ARHGAP20: variants seen among roughly 807,000 people sequenced by gnomAD.
ARHGAP20 encodes rho GTPase-activating protein 20.
Under a neutral mutation model 73.7 loss-of-function variants are expected in ARHGAP20, and 34 were observed. The observed-to-expected ratio is 0.46, with a 90% CI of 0.35 to 0.61. The LOEUF is 0.61. Ranked by LOEUF, ARHGAP20 falls within the 20% of genes least tolerant of loss-of-function variation. ARHGAP20 has a pLI of 0.00. For synonymous variants in ARHGAP20, 523 were observed against 518.2 expected, an observed-to-expected ratio of 1.01 and a Z score of -0.13; for missense variants, 1,314 against 1,420.9, an observed-to-expected ratio of 0.92 and a Z score of 1.21.
chr11:110,584,021 T>G (rs1262972207), intron 12 of ARHGAP20, among the ~76,000 whole-genome samples: 2 of 152,174 alleles, frequency 1.3e-5, no homozygotes, highest in African/African-American at 4.8e-5. Context: ...GCCTGAAATA[T>G]TTCCCTGAAA....
intron 7 of ARHGAP20, among the ~76,000 whole-genome samples, chr11:110,610,478 T>C (rs1409470378): frequency 6.6e-6 from 1 of 152,150 alleles, no homozygotes; most frequent in Non-Finnish European, 1.5e-5. Flanking sequence ...TTACAGAGAA[T>C]CTCACTCAAG....
chr11:110,710,230 G>T (rs1232067344), intron 1 of ARHGAP20, among the ~76,000 whole-genome samples: 1 of 152,076 alleles, frequency 6.6e-6, no homozygotes, highest in Non-Finnish European at 1.5e-5. Context: ...AACGATGTTG[G>T]AAAGGTAGGT....
rs2134774216 is a variant in ARHGAP20 at position 110,580,206 on chromosome 11, C to T, written c.2740G>A (p.Ala914Thr). The change falls in exon 15 of 15, where the codon GCC becomes ACC. Residue 914 changes from alanine to threonine, a missense_variant. Physicochemically the swap from Ala to Thr is moderately conservative, Grantham distance 58 (BLOSUM62 0). This residue lies in a region of ARHGAP20 where 641 missense variants were observed against 636.9 expected (regional missense o/e 1.01). Coordinates refer to ENST00000683387, the MANE Select transcript of ARHGAP20 (RefSeq NM_001384657.1). ...VMGIEVGKSS[A>T]TNQNTEKVLP... is the part of the protein sequence containing the mutation. Reference sequence around the variant, plus strand: ...ACCTTCTCAGTGTTTTGGTTTGTGGCACTACTCTTGCCCACCTCAATCCCC... The same window carrying T: ...ACCTTCTCAGTGTTTTGGTTTGTGGTACTACTCTTGCCCACCTCAATCCCC... The T allele has an allele frequency of 6.2e-7, 1 of 1,614,176 alleles. No homozygotes were observed.
In ARHGAP20 at chr11:110,614,643, T is replaced by C. The variant is rs771104827; in HGVS notation, c.548A>G (p.Tyr183Cys). ...KDKWLSLLQRYINLEKEKDYP... is the reference protein window; with the variant it reads ...KDKWLSLLQRCINLEKEKDYP... ...GTCCTTTTCTTTCTCTAGATTGATG[T>C]ATCTAATCAAATGCAACAGCAACCC... The change falls in exon 6 of 15, where the codon TAC becomes TGC. Residue 183 changes from tyrosine to cysteine, a missense_variant and splice_region_variant. Physicochemically the swap from Tyr to Cys is radical, Grantham distance 194. Around this residue, in one of 3 missense-constraint regions of ARHGAP20, gnomAD observed 443 missense variants for 466.4 expected, o/e 0.95. Coordinates refer to ENST00000683387, the MANE Select transcript of ARHGAP20 (RefSeq NM_001384657.1). 26 of 1,602,652 alleles carry C rather than the reference T, an allele frequency of 1.6e-5. No individual in the cohort carries two copies. The highest frequency in any genetic ancestry group is 2.0e-5 in the Non-Finnish European group (24 of 1,175,152).
intron 4 of ARHGAP20, among the ~76,000 whole-genome samples, chr11:110,623,812 C>T (rs1343815491): frequency 1.3e-5 from 2 of 152,068 alleles, no homozygotes; most frequent in African/African-American, 4.8e-5. Context: ...GATGGGACTA[C>T]TCTATTCCCC....
At chr11:110,636,811 T>C (rs1381583213) in intron 2 of ARHGAP20, among the ~76,000 whole-genome samples, 2 of 152,068 alleles carry the variant, frequency 1.3e-5, no homozygotes, top group Non-Finnish European at 2.9e-5. Flanking sequence ...CTCAATTTTA[T>C]GACTCTGAAG....
At chr11:110,674,994 C>T (rs759001936) in intron 2 of ARHGAP20, among the ~76,000 whole-genome samples, 7 of 152,156 alleles carry the variant, frequency 4.6e-5, no homozygotes, top group Non-Finnish European at 8.8e-5. Flanking sequence ...CAGGTATACA[C>T]GTGCTATGGT....
intron 9 of ARHGAP20, among the ~76,000 whole-genome samples, chr11:110,605,645 A>T (rs1174799987): frequency 6.6e-6 from 1 of 152,242 alleles, no homozygotes; most frequent in African/African-American, 2.4e-5. Context: ...CTAATTTTTC[A>T]TTAATGCTAT....
intron 9 of ARHGAP20, among the ~76,000 whole-genome samples, chr11:110,596,969 G>T (rs1242965361): frequency 9.2e-5 from 14 of 151,890 alleles, no homozygotes; most frequent in Non-Finnish European, 1.8e-4. Flanking sequence ...CCATAAAAAA[G>T]GATGAGTTCA....
At chr11:110,590,069 C>T (rs1009894065) in intron 11 of ARHGAP20, among the ~76,000 whole-genome samples, 7 of 149,908 alleles carry the variant, frequency 4.7e-5, no homozygotes, top group East Asian at 2.0e-4. Context: ...TGCAGTGAGC[C>T]GCAATCATGC....
intron 2 of ARHGAP20, among the ~76,000 whole-genome samples, chr11:110,651,974 A>T (rs1460861415): frequency 6.6e-6 from 1 of 152,182 alleles, no homozygotes; most frequent in Non-Finnish European, 1.5e-5. Context: ...ATGAACATCG[A>T]TGCAAGAATC....
intron 9 of ARHGAP20, among the ~76,000 whole-genome samples, chr11:110,605,809 G>GT (rs1357273603): frequency 1.3e-5 from 2 of 152,148 alleles, no homozygotes; most frequent in African/African-American, 2.4e-5. Flanking sequence ...TCCTAATTTG[G>GT]TTCTTTGCAA....
chr11:110,681,760 T>A (rs1352299809), intron 2 of ARHGAP20, among the ~76,000 whole-genome samples: 1 of 152,142 alleles, frequency 6.6e-6, no homozygotes, highest in Non-Finnish European at 1.5e-5. Context: ...CAGGAGTGAA[T>A]GAACCCAAAG....
intron 2 of ARHGAP20, among the ~76,000 whole-genome samples, chr11:110,649,576 G>A (rs1161478351): frequency 6.6e-6 from 1 of 152,012 alleles, no homozygotes; most frequent in Non-Finnish European, 1.5e-5. Context: ...CGGTGAGCTG[G>A]GAAGAAGTGG....
intron 1 of ARHGAP20, among the ~76,000 whole-genome samples, chr11:110,711,069 G>T (rs1403100160): frequency 6.6e-6 from 1 of 151,672 alleles, no homozygotes; most frequent in Non-Finnish European, 1.5e-5. Context: ...GGGGAGGCGG[G>T]GGACAGGCAG....
intron 2 of ARHGAP20, among the ~76,000 whole-genome samples, chr11:110,651,133 G>C (rs1375021737): frequency 6.6e-6 from 1 of 152,180 alleles, no homozygotes; most frequent in Non-Finnish European, 1.5e-5. Context: ...GCTCCTGAAT[G>C]ACTCCTGGGT....
intron 2 of ARHGAP20, among the ~76,000 whole-genome samples, chr11:110,661,561 T>C (rs1565464917): frequency 6.6e-6 from 1 of 151,672 alleles, no homozygotes; most frequent in East Asian, 1.9e-4. Flanking sequence ...CATTTGTTTT[T>C]ATATAAAGAA....
chr11:110,711,511 C>A, intron 1 of ARHGAP20: 1 of 1,121,362 alleles, frequency 8.9e-7, no homozygotes, highest in East Asian at 3.2e-5. Flanking sequence ...CTGTGACCCC[C>A]ACCTGGGAGA....
chr11:110,620,754 C>A (rs895628927), intron 4 of ARHGAP20, among the ~76,000 whole-genome samples: 15 of 152,076 alleles, frequency 9.9e-5, no homozygotes, highest in African/African-American at 3.6e-4. Flanking sequence ...CTAGGTTAAA[C>A]GGTTTTCAAC....
Sources: gnomAD v4.1 joint callset for allele counts (sites outside exome capture counted in the v4.1 genomes callset) on GRCh38, gnomAD v4.1.1 for gene constraint, gnomAD v4.1.1 regional missense constraint, MANE v1.5 for transcripts, NCBI Gene and HGNC (gene_info 2026-07-23, HGNC 2026-07-21) for gene names.